The following MYO16 variants were observed in gnomAD, a reference collection of about 807,000 sequenced individuals.
The protein encoded by MYO16 is myosin XVI.
MYO16 carries 94 observed loss-of-function variants against 205.3 expected under a neutral mutation model. The ratio of observed to expected loss-of-function variants is 0.46; its 90% CI spans 0.39 to 0.54. MYO16 has a LOEUF of 0.54. Among genes scored for constraint, MYO16 ranks in the 20% least tolerant of loss-of-function variants. The pLI, the probability that MYO16 is intolerant of heterozygous loss-of-function variation, is 0.00. For missense variants in MYO16, 2,315 were observed against 2,387.5 expected (o/e 0.97, Z 0.63); for synonymous variants, 988 against 954.0 (o/e 1.04, Z -0.66).
At chr13:109,104,496 C>G (rs748539845) in intron 28 of MYO16, among the ~76,000 whole-genome samples, 1 of 152,014 alleles carries the variant, frequency 6.6e-6, no homozygotes, top group Non-Finnish European at 1.5e-5. Flanking sequence ...TCATTCCCAA[C>G]TACATCTTGG....
intron 27 of MYO16, among the ~76,000 whole-genome samples, chr13:109,096,202 C>G (rs1888771134): frequency 6.6e-6 from 1 of 152,162 alleles, no homozygotes; most frequent in South Asian, 2.1e-4. Context: ...TCCTCTGAAA[C>G]TCTGGGTGGC....
chr13:108,788,524 A>G (rs11069751), intron 5 of MYO16, among the ~76,000 whole-genome samples: 31,775 of 152,176 alleles, frequency 0.21, 3,424 homozygotes, highest in Middle Eastern at 0.22. Flanking sequence ...ACACACATAC[A>G]GAAATATTCA....
chr13:108,535,947 CT>C, the MYO16 span, among the ~76,000 whole-genome samples: 1 of 152,114 alleles, frequency 6.6e-6, no homozygotes, highest in Non-Finnish European at 1.5e-5. Context: ...TAAAAGAAAA[CT>C]TCACTTTTGT....
At chr13:108,860,992 G>A (rs1199034954) in intron 11 of MYO16, among the ~76,000 whole-genome samples, 1 of 152,110 alleles carries the variant, frequency 6.6e-6, no homozygotes, top group Non-Finnish European at 1.5e-5. Flanking sequence ...CCTTGCAGAT[G>A]TATTATTTCA....
chr13:109,067,546 C>T (rs915739854), intron 27 of MYO16, among the ~76,000 whole-genome samples: 5 of 152,194 alleles, frequency 3.3e-5, no homozygotes, highest in African/African-American at 9.7e-5. Context: ...CAATGGCGTG[C>T]TGTTTCTGAG....
chr13:109,133,292 C>T (rs905435640), intron 31 of MYO16, among the ~76,000 whole-genome samples: 1 of 152,144 alleles, frequency 6.6e-6, no homozygotes, highest in Non-Finnish European at 1.5e-5. Context: ...CTAGCACAAC[C>T]ACACTAGAAG....
intron 2 of MYO16, among the ~76,000 whole-genome samples, chr13:108,675,824 G>T (rs1442888075): frequency 2.0e-5 from 3 of 152,140 alleles, no homozygotes; most frequent in African/African-American, 7.2e-5. Context: ...TAGCATCAAG[G>T]ATCTAACTCT....
At chr13:108,643,429 C>T (rs1184927008) in intron 1 of MYO16, among the ~76,000 whole-genome samples, 8 of 152,182 alleles carry the variant, frequency 5.3e-5, no homozygotes, top group Admixed American at 5.2e-4. Flanking sequence ...TTGATTGTAG[C>T]TTTTGTCTAT....
At chr13:109,004,058 A>G (rs1474613396) in intron 21 of MYO16, among the ~76,000 whole-genome samples, 4 of 152,160 alleles carry the variant, frequency 2.6e-5, no homozygotes, top group Non-Finnish European at 5.9e-5. Flanking sequence ...CGAACTTCTT[A>G]TCATTTCGCA....
intron 4 of MYO16, among the ~76,000 whole-genome samples, chr13:108,768,079 G>A (rs535728180): frequency 3.9e-5 from 6 of 152,248 alleles, no homozygotes; most frequent in Non-Finnish European, 5.9e-5. Context: ...CAGAACCAGC[G>A]AGTAATAAAC....
At chr13:108,750,143 T>A (rs566297426) in intron 4 of MYO16, among the ~76,000 whole-genome samples, 2 of 152,312 alleles carry the variant, frequency 1.3e-5, no homozygotes, top group African/African-American at 4.8e-5. Flanking sequence ...CTTAGGGGAT[T>A]TTTTAGGGCA....
At chr13:108,525,936 G>A in the MYO16 span, among the ~76,000 whole-genome samples, 1 of 99,946 alleles carries the variant, frequency 1.0e-5, no homozygotes. Context: ...ATCTTCCTAG[G>A]TCTGATTTTT....
chr13:109,172,631 T>C (rs1178297136), intron 33 of MYO16, among the ~76,000 whole-genome samples: 1 of 152,212 alleles, frequency 6.6e-6, no homozygotes, highest in Admixed American at 6.5e-5. Flanking sequence ...AACCTCTCTT[T>C]TTCAATTTTC....
chr13:109,127,836 G>A lies in MYO16; in HGVS notation c.4051+286G>A, dbSNP rs1876339167. On this transcript the variant is annotated intron_variant, in intron 31 of 34. Transcript: ENST00000457511. The surrounding 1 kb of genome is among the most constrained non-coding windows in gnomAD (Gnocchi z 4.2). ...TTCAGAAAGTCGGCAGCTATTCCATGTAAAGGTTCACCAATGAGAAAGTAA... is the reference window on the plus strand; with the variant it reads ...TTCAGAAAGTCGGCAGCTATTCCATATAAAGGTTCACCAATGAGAAAGTAA... Among the ~76,000 whole-genome samples the A allele has an allele frequency of 7.1e-6, 1 of 140,878 alleles. No homozygotes were observed. The highest frequency in any genetic ancestry group is 1.5e-5 in the Non-Finnish European group (1 of 66,442). The allele number at this position is 140,878 out of a possible 152,430, so 92.4% of individuals were successfully genotyped here.
chr13:109,114,252 G>A (rs1875559108), intron 28 of MYO16, among the ~76,000 whole-genome samples: 1 of 152,164 alleles, frequency 6.6e-6, no homozygotes, highest in Admixed American at 6.5e-5. Flanking sequence ...ACATCATTTA[G>A]GAATGTGTTA....
At chr13:108,669,355 C>A (rs953928735) in intron 2 of MYO16, among the ~76,000 whole-genome samples, 2 of 151,770 alleles carry the variant, frequency 1.3e-5, no homozygotes, top group African/African-American at 2.4e-5. Flanking sequence ...TTGTTGGGAG[C>A]AAGAATTTTA....
Position 109,127,588 on chromosome 13 carries a change from C to T in MYO16, c.4051+38C>T, listed in dbSNP as rs1215927729. ...GAGGGACCCAGCCTCGTGTTCCGGG[C>T]TCGCGCATGCTCTGACTTCGCCTTG... On this transcript the variant is annotated intron_variant, in intron 31 of 34. Transcript: ENST00000457511. This position sits in a 1 kb window ranked among gnomAD's most constrained non-coding sequence, Gnocchi z 4.2. 6.3e-7 allele frequency: 1 copy of T among 1,591,316 alleles called. No individual in the cohort carries two copies. The highest frequency in any genetic ancestry group is 1.3e-5 in the African/African-American group (1 of 74,764).
intron 7 of MYO16, among the ~76,000 whole-genome samples, chr13:108,812,586 C>A (rs1887327620): frequency 6.6e-6 from 1 of 152,102 alleles, no homozygotes; most frequent in Non-Finnish European, 1.5e-5. Context: ...GGATGTATTA[C>A]TAAAAGAAAT....
chr13:109,007,312 C>CGTGAGGCGGAGCTTGCA (rs1885424498), intron 21 of MYO16, among the ~76,000 whole-genome samples: 1 of 151,586 alleles, frequency 6.6e-6, no homozygotes, highest in Non-Finnish European at 1.5e-5. Context: ...GGTGTGAACC[C>CGTGAGGCGGAGCTTGCA]GTGAGGCGGA....
Sources: gnomAD v4.1 joint callset for allele counts (sites outside exome capture counted in the v4.1 genomes callset) on GRCh38, gnomAD v4.1.1 for gene constraint, Gnocchi (gnomAD v3.1) non-coding constraint, MANE v1.5 for transcripts, NCBI Gene and HGNC (gene_info 2026-07-23, HGNC 2026-07-21) for gene names.